ADGRV1: variants seen among roughly 807,000 people sequenced by gnomAD.
The protein encoded by ADGRV1 is adhesion G protein-coupled receptor V1.
A neutral mutation model predicts 596.2 loss-of-function variants in ADGRV1; 359 were observed. That is an observed-to-expected ratio of 0.60 (90% CI 0.55 to 0.66). The LOEUF is 0.66. Among genes scored for constraint, ADGRV1 ranks in the 30% least tolerant of loss-of-function variants. The probability of loss-of-function intolerance (pLI) is 0.00; values close to 1 mark genes in which losing one functional copy is unlikely to be tolerated. For synonymous variants in ADGRV1, 2,681 were observed against 2,679.2 expected, an observed-to-expected ratio of 1.00 and a Z score of -0.02; for missense variants, 7,274 against 7,575.6, an observed-to-expected ratio of 0.96 and a Z score of 1.48.
Position 90,960,009 on chromosome 5 carries a change from G to A in ADGRV1, c.17857-5406G>A, listed in dbSNP as rs1264629012. 3.9e-5 allele frequency among the ~76,000 whole-genome samples: 6 copies of A among 151,926 alleles called. No individual in the cohort carries two copies. In the East Asian group the frequency reaches 5.8e-4, roughly 15 times the overall value. On this transcript the variant is annotated intron_variant, in intron 83 of 89. Coordinates refer to ENST00000405460, the MANE Select transcript of ADGRV1 (RefSeq NM_032119.4). ...AAAAAATTAGCTGGGCATGGTGGCG[G>A]GCACCTGTAGTCCCAGCTACTCGGG...
chr5:90,575,223 A>G (rs80096996), intron 1 of ADGRV1, among the ~76,000 whole-genome samples: 7,349 of 151,850 alleles, frequency 0.048, 571 homozygotes, highest in African/African-American at 0.17. Flanking sequence ...TTACTTTTAA[A>G]AAAGACATTT....
chr5:90,853,044 A>T (rs1205429155), intron 79 of ADGRV1, among the ~76,000 whole-genome samples: 2 of 152,154 alleles, frequency 1.3e-5, no homozygotes, highest in Non-Finnish European at 2.9e-5. Flanking sequence ...GTTTTCAAAA[A>T]CCCATGTTTT....
intron 83 of ADGRV1, among the ~76,000 whole-genome samples, chr5:90,964,052 A>T (rs1016627629): frequency 2.2e-4 from 33 of 152,074 alleles, no homozygotes; most frequent in African/African-American, 7.0e-4. Context: ...GATCCTAATG[A>T]ATTTACCACA....
In ADGRV1 at chr5:90,783,181, G is replaced by A. The variant is rs1300526368; in HGVS notation, c.13289G>A (p.Gly4430Asp). The A allele has an allele frequency of 6.2e-7, 1 of 1,613,646 alleles. No individual in the cohort carries two copies. The highest frequency in any genetic ancestry group is 8.5e-7 in the Non-Finnish European group (1 of 1,179,654). ...GTGGTGAGGCTACATGGAACTTATGGCTATGTGACAGCTGATTTCATCTCT... is the reference window on the plus strand; with the variant it reads ...GTGGTGAGGCTACATGGAACTTATGACTATGTGACAGCTGATTTCATCTCT... ...IPVVRLHGTY[G>D]YVTADFISQS... The change falls in exon 66 of 90, where the codon GGC becomes GAC. Residue 4430 changes from glycine (G) to aspartate (D), a missense_variant. Physicochemically the swap from Gly to Asp is moderately conservative, Grantham distance 94. This residue lies in a region of ADGRV1 where 3,643 missense variants were observed against 3,809.2 expected (regional missense o/e 0.96). Transcript: ENST00000405460.
chr5:90,592,215 A>C (rs1759598872), intron 1 of ADGRV1, among the ~76,000 whole-genome samples: 1 of 152,244 alleles, frequency 6.6e-6, no homozygotes, highest in South Asian at 2.1e-4. Context: ...GAACTAGCCC[A>C]AATGCCCATC....
At chr5:91,005,335 A>C (rs1562077542) in intron 85 of ADGRV1, among the ~76,000 whole-genome samples, 1 of 152,090 alleles carries the variant, frequency 6.6e-6, no homozygotes, top group East Asian at 1.9e-4. Flanking sequence ...TTTGTAAGGC[A>C]ACAAATCCAA....
At chr5:90,734,910 T>G (rs1253804056) in intron 50 of ADGRV1, among the ~76,000 whole-genome samples, 1 of 152,212 alleles carries the variant, frequency 6.6e-6, no homozygotes, top group Non-Finnish European at 1.5e-5. Context: ...TTTGAGTTTC[T>G]TATATAGTTT....
chr5:90,932,976 C>T (rs55941525), intron 83 of ADGRV1, among the ~76,000 whole-genome samples: 36,394 of 152,060 alleles, frequency 0.24, 4,839 homozygotes, highest in Non-Finnish European at 0.3. Context: ...TATAATTATA[C>T]GTATAAAATT....
chr5:90,686,000 GAA>G lies in ADGRV1; in HGVS notation c.6490+8_6490+9del. The G allele has an allele frequency of 6.4e-7, 1 of 1,556,850 alleles. No individual in the cohort carries two copies. Among genetic ancestry groups the G allele is most frequent in the South Asian group, 1.2e-5 (1 of 82,930 alleles). On this transcript the variant is annotated splice_donor_region_variant and intron_variant, in intron 29 of 89. Transcript: ENST00000405460. ...TGCCAATAACTGCAATAGCTGGTAA[GAA>G]AAGACATCTAAAAAGCAGTACATAC...
chr5:91,035,855 T>TA (rs1784822362), intron 85 of ADGRV1, among the ~76,000 whole-genome samples: 3 of 85,954 alleles, frequency 3.5e-5, no homozygotes, highest in South Asian at 8.0e-4. Flanking sequence ...TATATATATA[T>TA]ATATATTATA....
At chr5:90,792,164 T>A (rs912185629) in intron 70 of ADGRV1, 1 of 151,982 alleles carries the variant, frequency 6.6e-6, no homozygotes, top group African/African-American at 2.4e-5. Flanking sequence ...CTAGAGAGAA[T>A]GAAAAAGGAG....
At chr5:90,768,715 A>T (rs1173729795) in intron 59 of ADGRV1, among the ~76,000 whole-genome samples, 2 of 152,132 alleles carry the variant, frequency 1.3e-5, no homozygotes, top group East Asian at 3.9e-4. Flanking sequence ...TAAGCTCCAT[A>T]CTTTGTTTAT....
rs1388179584 is a variant in ADGRV1 at position 90,683,929 on chromosome 5, G to A, written c.6008G>A (p.Arg2003Lys). The A allele has an allele frequency of 6.2e-7, 1 of 1,613,586 alleles. No homozygotes were observed. The highest frequency in any genetic ancestry group is 1.3e-5 in the African/African-American group (1 of 74,860). Reference protein sequence around the residue: ...ATQNITLSIIRLKGLMGKVLV... With the variant: ...ATQNITLSIIKLKGLMGKVLV... ...CAGAACATCACACTATCAATAATAAGGTTGAAAGGCCTCATGGGAAAAGTC... is the reference window on the plus strand; with the variant it reads ...CAGAACATCACACTATCAATAATAAAGTTGAAAGGCCTCATGGGAAAAGTC... Residue 2003 changes from arginine (R) to lysine (K), a missense_variant, in exon 28 of 90, where the codon AGG (arginine) becomes AAG (lysine). Physicochemically the swap from Arg to Lys is conservative, Grantham distance 26 (BLOSUM62 2). Around this residue, in one of 5 missense-constraint regions of ADGRV1, gnomAD observed 3,643 missense variants for 3,809.2 expected, o/e 0.96. Coordinates refer to ENST00000405460, the MANE Select transcript of ADGRV1 (RefSeq NM_032119.4).
chr5:90,659,257 A>C (rs143324468), intron 21 of ADGRV1, among the ~76,000 whole-genome samples: 79 of 152,320 alleles, frequency 5.2e-4, no homozygotes, highest in Middle Eastern at 3.4e-3. Context: ...CATATAGTGG[A>C]TAATACCTTT....
rs1754818433 is a variant in ADGRV1, at chr5:90,748,017, T to C, written c.10974+2222T>C. Among the ~76,000 whole-genome samples the C allele has an allele frequency of 2.6e-5, 4 of 152,238 alleles. No homozygotes were observed. In the South Asian group the frequency reaches 8.3e-4, roughly 32 times the overall value. On this transcript the variant is annotated intron_variant, in intron 52 of 89. Transcript: ENST00000405460. ...CTCTGACCATAGTATAGAGAATAGA[T>C]TGTAAATGGGCAAGGACAGAAATAG...
At chr5:90,698,240 A>G (rs1747455040) in intron 34 of ADGRV1, among the ~76,000 whole-genome samples, 2 of 152,208 alleles carry the variant, frequency 1.3e-5, no homozygotes, top group South Asian at 4.1e-4. Flanking sequence ...TACTGCAGGA[A>G]TAGTTAATAA....
intron 1 of ADGRV1, among the ~76,000 whole-genome samples, chr5:90,606,871 T>C (rs764464642): frequency 7.9e-5 from 12 of 152,178 alleles, no homozygotes; most frequent in Non-Finnish European, 2.9e-5. Context: ...TTCTTCTTTC[T>C]TAGTTTACTT....
At chr5:90,560,569 C>T (rs1280387946) in intron 1 of ADGRV1, among the ~76,000 whole-genome samples, 1 of 152,000 alleles carries the variant, frequency 6.6e-6, no homozygotes, top group Non-Finnish European at 1.5e-5. Flanking sequence ...AGGACCTATA[C>T]TATACTGAAT....
intron 54 of ADGRV1, 21 bp from the exon 55 acceptor site, chr5:90,754,962 C>A: frequency 6.5e-7 from 1 of 1,549,104 alleles, no homozygotes; most frequent in Non-Finnish European, 8.9e-7. Context: ...ACTATTTACT[C>A]GTGGCATGTT....
Sources: allele counts gnomAD v4.1 joint callset (sites outside exome capture counted in the v4.1 genomes callset), GRCh38; gene constraint gnomAD v4.1.1; regional missense constraint gnomAD v4.1.1; transcripts MANE v1.5; gene names NCBI Gene and HGNC (gene_info 2026-07-23, HGNC 2026-07-21).